The following GRIK4 variants were observed in gnomAD, a reference collection of about 807,000 sequenced individuals.
The protein encoded by GRIK4 is glutamate ionotropic receptor kainate type subunit 4, also known as glutamate receptor ionotropic, kainate 4.
A neutral mutation model predicts 104.9 loss-of-function variants in GRIK4; 40 were observed. The ratio of observed to expected loss-of-function variants is 0.38; its 90% CI spans 0.30 to 0.50. The LOEUF (loss-of-function observed/expected upper bound fraction) is 0.50. Ranked by LOEUF, GRIK4 falls within the 20% of genes least tolerant of loss-of-function variation. The probability of loss-of-function intolerance (pLI) is 0.93; values close to 1 mark genes in which losing one functional copy is unlikely to be tolerated. For missense variants in GRIK4, 1,047 were observed against 1,308.1 expected (o/e 0.80, Z 3.08); for synonymous variants, 485 against 524.9 (o/e 0.92, Z 1.04).
rs1316940629 is a variant in GRIK4, at chr11:120,986,450, G to A, written c.*190G>A. 1.3e-6 allele frequency: 1 copy of A among 766,614 alleles called. No homozygotes were observed. Among genetic ancestry groups the A allele is most frequent in the Admixed American group, 3.7e-5 (1 of 26,788 alleles). The allele number at this position is 766,614 out of a possible 1,614,324, so 47.5% of individuals were successfully genotyped here. A position where few individuals can be genotyped will look rare whatever the true frequency, so the allele number is the denominator to read the frequency against. On this transcript the variant is annotated 3_prime_UTR_variant, in exon 21 of 21. Coordinates refer to ENST00000527524, the MANE Select transcript of GRIK4 (RefSeq NM_014619.5). ...GAGACCGCGCCCGGTCAGGGAGCAG[G>A]GTCCACCCGGAAACGTTGCACCCAA...
At chr11:120,521,212 A>G (rs1193415641) in intron 1 of GRIK4, among the ~76,000 whole-genome samples, 3 of 152,036 alleles carry the variant, frequency 2.0e-5, no homozygotes, top group Non-Finnish European at 4.4e-5. Flanking sequence ...GCTTGGGACT[A>G]CAAGCGTGCA....
intron 3 of GRIK4, among the ~76,000 whole-genome samples, chr11:120,677,670 G>T (rs896301006): frequency 2.6e-5 from 4 of 152,238 alleles, no homozygotes; most frequent in African/African-American, 9.6e-5. Context: ...AGTATTAAGT[G>T]CTGAGACATC....
chr11:120,871,534 A>G (rs568094748), intron 9 of GRIK4: 11 of 453,938 alleles, frequency 2.4e-5, no homozygotes, highest in African/African-American at 2.2e-4. Flanking sequence ...AGAGGTGTGC[A>G]CTGTTCCCCA....
intron 1 of GRIK4, among the ~76,000 whole-genome samples, chr11:120,531,230 A>G (rs1261758830): frequency 6.6e-6 from 1 of 152,222 alleles, no homozygotes; most frequent in Non-Finnish European, 1.5e-5. Flanking sequence ...AACCTCTTTC[A>G]TAATTCATCC....
intron 6 of GRIK4, among the ~76,000 whole-genome samples, chr11:120,826,435 GA>G (rs1254374892): frequency 4.6e-5 from 7 of 152,158 alleles, no homozygotes; most frequent in African/African-American, 1.7e-4. Context: ...ATTCTGTCTT[GA>G]CTCAGGGATA....
At chr11:120,534,531 A>C (rs910231357) in intron 1 of GRIK4, among the ~76,000 whole-genome samples, 9 of 152,162 alleles carry the variant, frequency 5.9e-5, no homozygotes, top group Non-Finnish European at 1.2e-4. Context: ...CTGAGTCCAC[A>C]AAAGAGATCA....
At chr11:120,671,570 G>A (rs10790391) in intron 3 of GRIK4, among the ~76,000 whole-genome samples, 22,759 of 151,904 alleles carry the variant, frequency 0.15, 1,836 homozygotes, top group South Asian at 0.23. Flanking sequence ...CTTTTTGATG[G>A]GGTTGTTTGT....
Position 120,726,784 on chromosome 11 carries a change from C to A in GRIK4, c.82+66384C>A, listed in dbSNP as rs1483148959. 5.8e-3 allele frequency among the ~76,000 whole-genome samples: 880 copies of A among 152,248 alleles called. 13 individuals are homozygous for A. Among genetic ancestry groups the A allele is most frequent in the African/African-American group, 0.02 (824 of 41,552 alleles). ...CTGGGGATAAACATTTGAAAGTCATCAACAGGAGAGCCTCTGGTAACATAG... is the reference window on the plus strand; with the variant it reads ...CTGGGGATAAACATTTGAAAGTCATAAACAGGAGAGCCTCTGGTAACATAG... On this transcript the variant is annotated intron_variant, in intron 3 of 20. Transcript: ENST00000527524.
At chr11:120,786,802 C>T (rs1952287801) in intron 3 of GRIK4, among the ~76,000 whole-genome samples, 2 of 152,186 alleles carry the variant, frequency 1.3e-5, no homozygotes, top group Admixed American at 6.5e-5. Context: ...CCTCTCTCAA[C>T]ACCCCCCACC....
chr11:120,916,303 GAGC>G (rs149888469), intron 13 of GRIK4, among the ~76,000 whole-genome samples: 4,716 of 152,268 alleles, frequency 0.031, 259 homozygotes, highest in African/African-American at 0.11. Context: ...AGACAGATGC[GAGC>G]AGAAGTTATT....
intron 1 of GRIK4, among the ~76,000 whole-genome samples, chr11:120,584,226 G>T (rs1043160291): frequency 6.6e-6 from 1 of 152,184 alleles, no homozygotes; most frequent in Non-Finnish European, 1.5e-5. Flanking sequence ...TACTGCAGGG[G>T]AATGCTTCCA....
chr11:120,678,389 A>G (rs920689516), intron 3 of GRIK4, among the ~76,000 whole-genome samples: 1 of 152,140 alleles, frequency 6.6e-6, no homozygotes, highest in Non-Finnish European at 1.5e-5. Flanking sequence ...GGCTTTATTT[A>G]TAGTCGCTTA....
chr11:120,923,028 C>T (rs546623185), intron 13 of GRIK4, among the ~76,000 whole-genome samples: 24 of 152,350 alleles, frequency 1.6e-4, no homozygotes, highest in African/African-American at 4.3e-4. Flanking sequence ...ACACCCTGCA[C>T]GGACCTGCCG....
intron 1 of GRIK4, among the ~76,000 whole-genome samples, chr11:120,653,429 C>A (rs1378732891): frequency 6.6e-6 from 1 of 152,176 alleles, no homozygotes; most frequent in Non-Finnish European, 1.5e-5. Context: ...ACTTGGAAGC[C>A]TCAGCTCTGA....
At chr11:120,769,283 A>AT (rs1951895680) in intron 3 of GRIK4, among the ~76,000 whole-genome samples, 2 of 151,370 alleles carry the variant, frequency 1.3e-5, no homozygotes, top group Non-Finnish European at 3.0e-5. Flanking sequence ...TTTTCTAGGA[A>AT]TTTTTTCATT....
At chr11:120,758,774 G>A (rs960394405) in intron 3 of GRIK4, among the ~76,000 whole-genome samples, 3 of 152,146 alleles carry the variant, frequency 2.0e-5, no homozygotes, top group Admixed American at 6.5e-5. Flanking sequence ...TCTATAGTGG[G>A]CATCTATAAA....
chr11:120,875,269 G>A (rs1313997206), intron 11 of GRIK4, 26 bp downstream of exon 11: 13 of 1,362,990 alleles, frequency 9.5e-6, no homozygotes, highest in South Asian at 2.3e-5. Context: ...CCGTGGTGAT[G>A]GCAGGTCCTC....
intron 7 of GRIK4, among the ~76,000 whole-genome samples, chr11:120,833,481 T>C (rs755689861): frequency 6.6e-6 from 1 of 152,082 alleles, no homozygotes; most frequent in Non-Finnish European, 1.5e-5. Context: ...TTCAGCTTAG[T>C]AGATAGATGT....
chr11:120,837,739 G>A, intron 8 of GRIK4, among the ~76,000 whole-genome samples: 1 of 151,838 alleles, frequency 6.6e-6, no homozygotes, highest in East Asian at 1.9e-4. Flanking sequence ...TATGTAAAAA[G>A]GGAGAAAAGG....
Sources: gnomAD v4.1 joint callset for allele counts (sites outside exome capture counted in the v4.1 genomes callset) on GRCh38, gnomAD v4.1.1 for gene constraint, MANE v1.5 for transcripts, NCBI Gene and HGNC (gene_info 2026-07-23, HGNC 2026-07-21) for gene names.